The following DPP6 variants were observed in gnomAD, a reference collection of about 807,000 sequenced individuals.
The protein encoded by DPP6 is A-type potassium channel modulatory protein DPP6.
In DPP6, 69 loss-of-function variants were observed where a neutral mutation model predicts 122.6. The observed-to-expected ratio is 0.56, with a 90% CI of 0.46 to 0.69. DPP6 has a LOEUF of 0.69. Ranked by LOEUF, DPP6 falls within the 30% of genes least tolerant of loss-of-function variation. The pLI is 0.00. For synonymous variants in DPP6, 418 were observed against 433.1 expected (o/e 0.97, Z 0.43); for missense variants, 928 against 1,116.9 (o/e 0.83, Z 2.41).
At chr7:154,176,883 C>T (rs932916766) in intron 1 of DPP6, among the ~76,000 whole-genome samples, 2 of 151,998 alleles carry the variant, frequency 1.3e-5, no homozygotes, top group African/African-American at 2.4e-5. Context: ...AGTCTGTCGC[C>T]CAGGTTACAG....
chr7:153,829,506 G>T, the DPP6 span, among the ~76,000 whole-genome samples: 4 of 152,220 alleles, frequency 2.6e-5, no homozygotes, highest in Non-Finnish European at 1.5e-5. Flanking sequence ...GAGCCACCAC[G>T]CCCGGCCTGT....
chr7:154,255,517 A>T (rs1802600602), intron 1 of DPP6, among the ~76,000 whole-genome samples: 1 of 152,080 alleles, frequency 6.6e-6, no homozygotes, highest in Admixed American at 6.5e-5. Flanking sequence ...GGCAGAGCAC[A>T]CCTGGAAGCC....
At chr7:153,853,712 A>G in the DPP6 span, among the ~76,000 whole-genome samples, 1 of 152,228 alleles carries the variant, frequency 6.6e-6, no homozygotes, top group Non-Finnish European at 1.5e-5. Flanking sequence ...TGGCAGAATC[A>G]TGCAATTCAA....
At chr7:154,523,152 A>C (rs1827135816) in intron 3 of DPP6, among the ~76,000 whole-genome samples, 2 of 152,124 alleles carry the variant, frequency 1.3e-5, no homozygotes, top group African/African-American at 4.8e-5. Flanking sequence ...TCCATTTTTT[A>C]TGAAATATTT....
At chr7:153,873,706 C>T in the DPP6 span, among the ~76,000 whole-genome samples, 5 of 152,204 alleles carry the variant, frequency 3.3e-5, no homozygotes, top group South Asian at 2.1e-4. Context: ...GCTCTGCCTT[C>T]GGAAATGGAA....
intron 5 of DPP6, among the ~76,000 whole-genome samples, chr7:154,631,121 T>C (rs1835383537): frequency 6.6e-6 from 1 of 152,182 alleles, no homozygotes; most frequent in African/African-American, 2.4e-5. Context: ...AAGACGTAAA[T>C]TCAGTAGGAA....
At position 154,168,442 on chromosome 7, in the gene DPP6, G is replaced by C. The variant is rs115324047; in HGVS notation, c.243+115379G>C. Among the ~76,000 whole-genome samples, 1,297 of 152,326 alleles carry C rather than the reference G, an allele frequency of 8.5e-3. 23 individuals are homozygous for C. Among genetic ancestry groups the C allele is most frequent in the African/African-American group, 0.028 (1,152 of 41,574 alleles). ...AGAAGGCAAGGAAAATACACTATTT[G>C]TAGTTCTGAGCCACAGCTCTGATTG... On this transcript the variant is annotated intron_variant, in intron 1 of 25. Coordinates refer to ENST00000377770, the MANE Select transcript of DPP6 (RefSeq NM_130797.4).
chr7:154,408,106 T>C (rs535515128), intron 1 of DPP6, among the ~76,000 whole-genome samples: 1 of 152,322 alleles, frequency 6.6e-6, no homozygotes, highest in Non-Finnish European at 1.5e-5. Flanking sequence ...AATTCAAATG[T>C]GGGAAGTAAT....
intron 4 of DPP6, among the ~76,000 whole-genome samples, chr7:154,561,317 T>C (rs116356825): frequency 0.01 from 1,567 of 152,286 alleles, 26 homozygotes; most frequent in African/African-American, 0.034. Context: ...TGAGTGCACG[T>C]GAAACATTCA....
intron 23 of DPP6, among the ~76,000 whole-genome samples, chr7:154,889,038 G>A (rs1409695653): frequency 6.6e-6 from 1 of 152,202 alleles, no homozygotes; most frequent in Non-Finnish European, 1.5e-5. Context: ...CACAACTCGT[G>A]GGAATTATGG....
chr7:154,186,685 A>G (rs1798369921), intron 1 of DPP6, among the ~76,000 whole-genome samples: 1 of 152,256 alleles, frequency 6.6e-6, no homozygotes, highest in South Asian at 2.1e-4. Flanking sequence ...AACACAGTCC[A>G]GATGATGAAG....
intron 4 of DPP6, among the ~76,000 whole-genome samples, chr7:154,541,150 G>C (rs1828691901): frequency 6.6e-6 from 1 of 152,154 alleles, no homozygotes; most frequent in Admixed American, 6.5e-5. Flanking sequence ...TATTTTTTGA[G>C]ACAGGATCTC....
chr7:154,790,310 C>T (rs1797592424), intron 10 of DPP6, among the ~76,000 whole-genome samples: 1 of 152,186 alleles, frequency 6.6e-6, no homozygotes, highest in East Asian at 1.9e-4. Flanking sequence ...CATGAGGCAA[C>T]ATCAAGCTCT....
intron 2 of DPP6, among the ~76,000 whole-genome samples, chr7:154,460,731 G>A (rs760439600): frequency 6.6e-6 from 1 of 151,972 alleles, no homozygotes; most frequent in Non-Finnish European, 1.5e-5. Context: ...TACATAGTAG[G>A]TATGTATATT....
chr7:154,803,848 T>C lies in DPP6; in HGVS notation c.1408-16T>C, dbSNP rs769310900. 4 of 1,611,896 alleles carry C rather than the reference T, an allele frequency of 2.5e-6. No homozygotes were observed. Among genetic ancestry groups the C allele is most frequent in the Non-Finnish European group, 3.4e-6 (4 of 1,178,506 alleles). On this transcript the variant is annotated splice_polypyrimidine_tract_variant and intron_variant, in intron 13 of 25. Transcript: ENST00000377770. Reference sequence around the variant, plus strand: ...ACACCGGTGTCTGCTCCTGATGCCATGTCTGTGTGTTTCAGCCCAACAGCA... The same window carrying C: ...ACACCGGTGTCTGCTCCTGATGCCACGTCTGTGTGTTTCAGCCCAACAGCA...
At chr7:154,485,292 C>A (rs1303786621) in intron 3 of DPP6, among the ~76,000 whole-genome samples, 1 of 152,128 alleles carries the variant, frequency 6.6e-6, no homozygotes, top group Non-Finnish European at 1.5e-5. Context: ...CATCGTTGTA[C>A]CTTAATGAAG....
At chr7:154,756,970 C>T (rs1843710346) in intron 8 of DPP6, among the ~76,000 whole-genome samples, 1 of 151,834 alleles carries the variant, frequency 6.6e-6, no homozygotes, top group South Asian at 2.1e-4. Context: ...AGGAACAAGC[C>T]AGCCCCTTCT....
intron 16 of DPP6, among the ~76,000 whole-genome samples, chr7:154,815,373 T>C (rs1391018119): frequency 6.6e-6 from 1 of 152,206 alleles, no homozygotes; most frequent in Non-Finnish European, 1.5e-5. Flanking sequence ...TCTGTAGGGT[T>C]TTCTCCTACC....
chr7:154,179,974 A>C (rs1383864756), intron 1 of DPP6, among the ~76,000 whole-genome samples: 1 of 152,230 alleles, frequency 6.6e-6, no homozygotes, highest in African/African-American at 2.4e-5. Context: ...TGAGACTCTC[A>C]TAAGAGGATT....
Sources: gnomAD v4.1 joint callset for allele counts (sites outside exome capture counted in the v4.1 genomes callset) on GRCh38, gnomAD v4.1.1 for gene constraint, MANE v1.5 for transcripts, NCBI Gene and HGNC (gene_info 2026-07-23, HGNC 2026-07-21) for gene names.